VPS37C: variants seen among roughly 807,000 people sequenced by gnomAD.
The protein encoded by VPS37C is VPS37C subunit of ESCRT-I.
VPS37C carries 9 observed loss-of-function variants against 16.1 expected under a neutral mutation model. That is an observed-to-expected ratio of 0.56 (90% CI 0.34 to 0.97). The LOEUF is 0.97. Ranked by LOEUF, VPS37C falls within the 50% of genes least tolerant of loss-of-function variation. VPS37C has a pLI of 0.02. For synonymous variants in VPS37C, 207 were observed against 206.4 expected (o/e 1.00, Z -0.02); for missense variants, 479 against 472.7 (o/e 1.01, Z -0.12).
intron 1 of VPS37C, among the ~76,000 whole-genome samples, chr11:61,157,291 T>C (rs1853393042): frequency 6.6e-6 from 1 of 152,266 alleles, no homozygotes. Context: ...CAATTCTATG[T>C]TTAATTTTTT....
intron 2 of VPS37C, among the ~76,000 whole-genome samples, chr11:61,136,563 G>A (rs1016697736): frequency 1.2e-4 from 18 of 151,984 alleles, no homozygotes; most frequent in African/African-American, 4.1e-4. Flanking sequence ...ATTGCATATC[G>A]ATGCATATTA....
chr11:61,143,754 G>A (rs10792307), intron 1 of VPS37C: 85,715 of 150,880 alleles, frequency 0.57, 25,174 homozygotes, highest in East Asian at 0.99. Context: ...TCCGCTTCCC[G>A]GGTTCAAGTG....
At chr11:61,155,951 G>A (rs1353898246) in intron 1 of VPS37C, among the ~76,000 whole-genome samples, 1 of 151,870 alleles carries the variant, frequency 6.6e-6, no homozygotes, top group Admixed American at 6.5e-5. Flanking sequence ...ACAAAGTCCA[G>A]GAGGAAGGAA....
intron 1 of VPS37C, chr11:61,143,362 ATTTTTTTTTTTTTTTTTT>A (rs779076399): frequency 7.7e-5 from 4 of 52,284 alleles, no homozygotes; most frequent in South Asian, 1.1e-3. Context: ...AGGATTCTTA[ATTTTTTTTTTTTTTTTTT>A]TTTTTTTTTT....
At chr11:61,147,269 C>T (rs917407239) in intron 1 of VPS37C, among the ~76,000 whole-genome samples, 14 of 152,200 alleles carry the variant, frequency 9.2e-5, no homozygotes, top group African/African-American at 3.1e-4. Context: ...GGTGGGGGCA[C>T]AGGCTGAACT....
Position 61,132,094 on chromosome 11 carries a change from C to T in VPS37C, c.794G>A (p.Ser265Asn). Reference protein sequence around the residue: ...AAGYSWSPQRSMPPRPGYPGT... With the variant: ...AAGYSWSPQRNMPPRPGYPGT... ...AGGATAGCCCGGCCGGGGTGGCATG[C>T]TCCTCTGTGGGGACCAGGAGTAACC... Residue 265 changes from serine to asparagine, a missense_variant, in exon 5 of 5, where the codon AGC becomes AAC. Ser to Asn is a conservative substitution (Grantham distance 46). Transcript: ENST00000301765. The T allele has an allele frequency of 7.1e-7, 1 of 1,401,342 alleles. No homozygotes were observed. The highest frequency in any genetic ancestry group is 9.3e-7 in the Non-Finnish European group (1 of 1,073,354). The allele number at this position is 1,401,342 out of a possible 1,614,324, so 86.8% of individuals were successfully genotyped here.
intron 2 of VPS37C, among the ~76,000 whole-genome samples, chr11:61,135,197 C>G (rs1482904707): frequency 6.6e-6 from 1 of 152,256 alleles, no homozygotes; most frequent in East Asian, 1.9e-4. Context: ...GGCTCATGCC[C>G]CACGAGACAT....
At position 61,135,343 on chromosome 11, in the gene VPS37C, G is replaced by A. The variant is rs117353344; in HGVS notation, c.94-1136C>T. On this transcript the variant is annotated intron_variant, in intron 2 of 4. Transcript: ENST00000301765. ...TTCTTTGTGCTCCAGATTGGAAAGA[G>A]GGATACCACAGCTTCCTGCCCTCCC... Among the ~76,000 whole-genome samples the A allele has an allele frequency of 8.5e-4, 130 of 152,348 alleles. 1 individual carries two copies. In the East Asian group the frequency reaches 0.011, roughly 13 times the overall value.
At chr11:61,139,741 CTTT>C (rs545629004) in intron 1 of VPS37C, among the ~76,000 whole-genome samples, 1 of 77,826 alleles carries the variant, frequency 1.3e-5, no homozygotes. Context: ...CATTCCATAG[CTTT>C]TTTTTTTTTT....
At chr11:61,160,582 C>T (rs1310344203) in intron 1 of VPS37C, among the ~76,000 whole-genome samples, 1 of 152,170 alleles carries the variant, frequency 6.6e-6, no homozygotes. Flanking sequence ...GACTGACATT[C>T]CCAGGGTAAG....
chr11:61,151,625 G>A (rs1056746199), intron 1 of VPS37C, among the ~76,000 whole-genome samples: 1 of 152,156 alleles, frequency 6.6e-6, no homozygotes, highest in Non-Finnish European at 1.5e-5. Context: ...ACAGTCGCTC[G>A]TGATTTCTAT....
chr11:61,135,498 A>G (rs1333722670), intron 2 of VPS37C, among the ~76,000 whole-genome samples: 1 of 152,216 alleles, frequency 6.6e-6, no homozygotes, highest in African/African-American at 2.4e-5. Flanking sequence ...CAATAGCATG[A>G]CCATAGGTCA....
Position 61,150,272 on chromosome 11 carries a change from A to C in VPS37C, c.-7+11119T>G, listed in dbSNP as rs1853277643. 2.6e-5 allele frequency among the ~76,000 whole-genome samples: 4 copies of C among 151,998 alleles called. No homozygotes were observed. The South Asian group carries it at 8.3e-4, about 32-fold the overall frequency. ...GTCAGTGTTCCAAAGGCTCTCACAC[A>C]CACCCATCCCTGCCCTATGCAGGCT... On this transcript the variant is annotated intron_variant, in intron 1 of 4. Coordinates refer to ENST00000301765, the MANE Select transcript of VPS37C (RefSeq NM_017966.5).
rs759705454 is a variant in VPS37C, at chr11:61,132,057, C to T, written c.831G>A (p.Met277Ile). The T allele has an allele frequency of 3.6e-6, 5 of 1,392,050 alleles. No individual in the cohort carries two copies. Among genetic ancestry groups the T allele is most frequent in the Non-Finnish European group, 4.7e-6 (5 of 1,069,074 alleles). 86.2% of individuals were successfully genotyped at this position (1,392,050 alleles called of 1,614,324 possible). Residue 277 changes from methionine (M) to isoleucine (I), a missense_variant, in exon 5 of 5, where the codon ATG becomes ATA. Coordinates refer to ENST00000301765, the MANE Select transcript of VPS37C (RefSeq NM_017966.5). ...AGGGGTACCCAGGCCCAGAGGCACC[C>T]ATTGGGGTCCCAGGATAGCCCGGCC... Reference protein sequence around the residue: ...PPRPGYPGTPMGASGPGYPLR... With the variant: ...PPRPGYPGTPIGASGPGYPLR...
At chr11:61,149,155 A>G (rs1565195444) in intron 1 of VPS37C, among the ~76,000 whole-genome samples, 2 of 152,266 alleles carry the variant, frequency 1.3e-5, no homozygotes, top group East Asian at 1.9e-4. Context: ...GCGTGGTGGC[A>G]CACGCCTGTA....
intron 1 of VPS37C, among the ~76,000 whole-genome samples, chr11:61,142,843 T>C (rs1861494845): frequency 1.4e-5 from 2 of 146,276 alleles, no homozygotes; most frequent in Admixed American, 6.8e-5. Context: ...TTGGGAGATA[T>C]ACCTAATGCT....
intron 4 of VPS37C, chr11:61,133,019 A>G: frequency 1.6e-6 from 1 of 637,246 alleles, no homozygotes; most frequent in Admixed American, 2.2e-5. Context: ...CCTACCATCC[A>G]GGGCTGCGAG....
Position 61,131,278 on chromosome 11 carries a change from T to G in VPS37C, c.*542A>C, listed in dbSNP as rs1414007232. The G allele has an allele frequency of 6.2e-6, 1 of 161,254 alleles. No individual in the cohort carries two copies. The highest frequency in any genetic ancestry group is 1.3e-5 in the Non-Finnish European group (1 of 74,692). 10.0% of individuals were successfully genotyped at this position (161,254 alleles called of 1,614,324 possible). On this transcript the variant is annotated 3_prime_UTR_variant, in exon 5 of 5. Coordinates refer to ENST00000301765, the MANE Select transcript of VPS37C (RefSeq NM_017966.5). Reference sequence around the variant, plus strand: ...TATGGCTTTATAGGACTCAAACCTGTTGTTTTTCCCAACTCTGTTCTCTCC... The same window carrying G: ...TATGGCTTTATAGGACTCAAACCTGGTGTTTTTCCCAACTCTGTTCTCTCC...
At chr11:61,136,611 G>GTTCA (rs1861379940) in intron 2 of VPS37C, among the ~76,000 whole-genome samples, 1 of 151,590 alleles carries the variant, frequency 6.6e-6, no homozygotes, top group South Asian at 2.1e-4. Flanking sequence ...ACTGAAAAGA[G>GTTCA]GTAAGACTAA....
Sources: allele counts gnomAD v4.1 joint callset (sites outside exome capture counted in the v4.1 genomes callset), GRCh38; gene constraint gnomAD v4.1.1; transcripts MANE v1.5; gene names NCBI Gene and HGNC (gene_info 2026-07-23, HGNC 2026-07-21).